Variants in RARB observed in about 807,000 individuals in gnomAD.
RARB encodes retinoic acid receptor beta.
Under a neutral mutation model 51.9 loss-of-function variants are expected in RARB, and 17 were observed. The observed-to-expected ratio is 0.33, with a 90% CI of 0.22 to 0.49. The LOEUF (loss-of-function observed/expected upper bound fraction) is 0.49, where lower values mean the gene tolerates loss of function less well. Ranked by LOEUF, RARB falls within the 20% of genes least tolerant of loss-of-function variation. The pLI, the probability that RARB is intolerant of heterozygous loss-of-function variation, is 0.99. For missense variants in RARB, 369 were observed against 550.8 expected, an observed-to-expected ratio of 0.67 and a Z score of 3.30; for synonymous variants, 215 against 195.4, an observed-to-expected ratio of 1.10 and a Z score of -0.84.
intron 2 of RARB, among the ~76,000 whole-genome samples, chr3:24,945,020 C>A (rs934213341): frequency 6.6e-6 from 1 of 152,172 alleles, no homozygotes; most frequent in African/African-American, 2.4e-5. Flanking sequence ...TGCGCCCTTC[C>A]AGTTGGGAAC....
chr3:25,052,300 C>T (rs1364318596), intron 2 of RARB, among the ~76,000 whole-genome samples: 2 of 152,176 alleles, frequency 1.3e-5, no homozygotes, highest in Non-Finnish European at 2.9e-5. Context: ...ACCATCACAC[C>T]TAACTGCCTC....
rs1295191619 is a variant in RARB at position 25,453,245 on chromosome 3, T to C, written c.158-7948T>C. Among the ~76,000 whole-genome samples, 5 of 11,374 alleles carry C rather than the reference T, an allele frequency of 4.4e-4. No homozygotes were observed. In the East Asian group the frequency reaches 0.014, roughly 32 times the overall value. 7.5% of individuals were successfully genotyped at this position (11,374 alleles called of 152,430 possible). On this transcript the variant is annotated intron_variant, in intron 1 of 7. Transcript: ENST00000330688. The stretch of plus-strand genomic sequence containing the variant: ...TCTGGGGTGGGGCCAAGATTCTGCT[T>C]TTTTTTTTTTTTTTTTTTTTTGAGA...
At chr3:25,074,090 G>T (rs1698823443) in intron 3 of RARB, among the ~76,000 whole-genome samples, 1 of 152,198 alleles carries the variant, frequency 6.6e-6, no homozygotes, top group African/African-American at 2.4e-5. Flanking sequence ...TTAAATTACG[G>T]ATCTAGCTAA....
intron 2 of RARB, among the ~76,000 whole-genome samples, chr3:25,500,353 T>A (rs1307528448): frequency 6.6e-6 from 1 of 152,142 alleles, no homozygotes; most frequent in Non-Finnish European, 1.5e-5. Context: ...AATTGTATTT[T>A]AAATGTTGTG....
At chr3:25,595,843 G>T (rs1048058157) in intron 7 of RARB, among the ~76,000 whole-genome samples, 1 of 152,168 alleles carries the variant, frequency 6.6e-6, no homozygotes, top group African/African-American at 2.4e-5. Context: ...GTGGGTAACT[G>T]CCATCAACCT....
chr3:25,014,800 G>A (rs1697472777), intron 2 of RARB, among the ~76,000 whole-genome samples: 1 of 151,992 alleles, frequency 6.6e-6, no homozygotes, highest in Non-Finnish European at 1.5e-5. Context: ...TAGGGGCTGT[G>A]TGGCCCTGAA....
chr3:25,061,984 G>A (rs1476491347), intron 3 of RARB, among the ~76,000 whole-genome samples: 2 of 151,668 alleles, frequency 1.3e-5, no homozygotes, highest in Non-Finnish European at 3.0e-5. Context: ...ATTTAATATA[G>A]AATAAAAGTG....
intron 5 of RARB, among the ~76,000 whole-genome samples, chr3:25,262,675 A>G (rs1423552022): frequency 6.6e-6 from 1 of 152,274 alleles, no homozygotes; most frequent in East Asian, 1.9e-4. Context: ...ACTTTTGAAG[A>G]CGCTTGTGTT....
intron 2 of RARB, among the ~76,000 whole-genome samples, chr3:24,950,777 G>T (rs912612828): frequency 1.3e-5 from 2 of 151,266 alleles, no homozygotes; most frequent in Admixed American, 1.3e-4. Context: ...TTATATAAGA[G>T]CTTGAACACA....
chr3:25,098,589 G>C (rs958303987), intron 3 of RARB, among the ~76,000 whole-genome samples: 1 of 152,150 alleles, frequency 6.6e-6, no homozygotes, highest in Non-Finnish European at 1.5e-5. Context: ...GGTGGGTCAA[G>C]TCCAGTCTGC....
At chr3:25,133,808 A>G (rs1256879809) in intron 4 of RARB, among the ~76,000 whole-genome samples, 5 of 145,254 alleles carry the variant, frequency 3.4e-5, no homozygotes, top group African/African-American at 1.3e-4. Context: ...ATGAAAACAA[A>G]AAGTATGTGT....
At chr3:25,021,960 T>A (rs1305685857) in intron 2 of RARB, among the ~76,000 whole-genome samples, 1 of 152,202 alleles carries the variant, frequency 6.6e-6, no homozygotes, top group Non-Finnish European at 1.5e-5. Context: ...TAGTAATGAT[T>A]ATTAAAAACT....
At chr3:24,879,351 C>A (rs1575050389) in intron 2 of RARB, among the ~76,000 whole-genome samples, 1 of 152,050 alleles carries the variant, frequency 6.6e-6, no homozygotes, top group East Asian at 1.9e-4. Flanking sequence ...ATGGCGTGAA[C>A]CCGGGAGGCG....
chr3:25,171,093 C>G (rs1348152992), intron 4 of RARB, among the ~76,000 whole-genome samples: 1 of 151,944 alleles, frequency 6.6e-6, no homozygotes, highest in African/African-American at 2.4e-5. Flanking sequence ...ATAAAGCCTA[C>G]TTCTCTTCAC....
At chr3:25,153,357 G>A (rs563525614) in intron 4 of RARB, among the ~76,000 whole-genome samples, 1 of 152,264 alleles carries the variant, frequency 6.6e-6, no homozygotes, top group South Asian at 2.1e-4. Context: ...CTAATGAGCT[G>A]TCTGCCAAAA....
intron 5 of RARB, among the ~76,000 whole-genome samples, chr3:25,590,434 A>G (rs1701571875): frequency 6.6e-6 from 1 of 152,210 alleles, no homozygotes; most frequent in Non-Finnish European, 1.5e-5. Flanking sequence ...TAAAGCTGCA[A>G]AGATTTATTT....
chr3:25,443,208 G>A (rs187498695), intron 1 of RARB, among the ~76,000 whole-genome samples: 1 of 152,170 alleles, frequency 6.6e-6, no homozygotes, highest in African/African-American at 2.4e-5. Flanking sequence ...ACTTGATGGG[G>A]GCTGTCAAAA....
chr3:25,372,613 G>A (rs775463106), intron 5 of RARB, among the ~76,000 whole-genome samples: 2 of 152,186 alleles, frequency 1.3e-5, no homozygotes, highest in African/African-American at 4.8e-5. Flanking sequence ...CTTTAGCCCA[G>A]GAGTCTGAGA....
intron 5 of RARB, among the ~76,000 whole-genome samples, chr3:25,323,002 T>C (rs1201676424): frequency 6.6e-6 from 1 of 152,214 alleles, no homozygotes; most frequent in East Asian, 1.9e-4. Context: ...CATGTGGGGT[T>C]GTCTGCACAT....
Sources: allele counts gnomAD v4.1 joint callset (sites outside exome capture counted in the v4.1 genomes callset), GRCh38; gene constraint gnomAD v4.1.1; transcripts MANE v1.5; gene names NCBI Gene and HGNC (gene_info 2026-07-23, HGNC 2026-07-21).